The following GALNT13 variants were observed in gnomAD, a reference collection of about 807,000 sequenced individuals.
The protein encoded by GALNT13 is polypeptide N-acetylgalactosaminyltransferase 13.
GALNT13 carries 28 observed loss-of-function variants against 64.2 expected under a neutral mutation model. The observed-to-expected ratio is 0.44, with a 90% confidence interval of 0.32 to 0.60. The LOEUF is 0.60. Among genes scored for constraint, GALNT13 ranks in the 20% least tolerant of loss-of-function variants. The probability of loss-of-function intolerance (pLI) is 0.05; values close to 1 mark genes in which losing one functional copy is unlikely to be tolerated. For missense variants in GALNT13, 577 were observed against 669.8 expected (o/e 0.86, Z 1.53); for synonymous variants, 214 against 224.6 (o/e 0.95, Z 0.42).
At chr2:153,841,182 A>G in the GALNT13 span, among the ~76,000 whole-genome samples, 1 of 152,116 alleles carries the variant, frequency 6.6e-6, no homozygotes, top group Non-Finnish European at 1.5e-5. Context: ...AACTTTAGAT[A>G]TTTAATATTT....
chr2:154,425,140 T>G (rs1700417415), intron 11 of GALNT13, among the ~76,000 whole-genome samples: 1 of 152,214 alleles, frequency 6.6e-6, no homozygotes, highest in African/African-American at 2.4e-5. Context: ...TTTATATATG[T>G]AACAATTTTA....
At chr2:154,167,476 G>A (rs1286232956) in intron 4 of GALNT13, among the ~76,000 whole-genome samples, 1 of 152,158 alleles carries the variant, frequency 6.6e-6, no homozygotes, top group Non-Finnish European at 1.5e-5. Flanking sequence ...AAAAAAGGCA[G>A]CCTCTTCTTT....
chr2:154,272,486 G>C (rs766256511), intron 8 of GALNT13, among the ~76,000 whole-genome samples: 9 of 152,002 alleles, frequency 5.9e-5, no homozygotes, highest in Non-Finnish European at 1.2e-4. Context: ...CATATGAACA[G>C]ATATTCCACG....
At chr2:153,789,599 G>T in the GALNT13 span, among the ~76,000 whole-genome samples, 2 of 152,136 alleles carry the variant, frequency 1.3e-5, no homozygotes, top group South Asian at 4.2e-4. Context: ...AATCAGAGTT[G>T]AACTGAAGAT....
At chr2:153,159,042 A>C in the GALNT13 span, 1 of 177,786 alleles carries the variant, frequency 5.6e-6, no homozygotes, top group Non-Finnish European at 1.3e-5. Flanking sequence ...GAGCTTTCAC[A>C]CAGGGCAGCC....
the GALNT13 span, among the ~76,000 whole-genome samples, chr2:153,737,550 C>G: frequency 6.6e-6 from 1 of 151,922 alleles, no homozygotes; most frequent in Non-Finnish European, 1.5e-5. Flanking sequence ...TTTTCTTCTT[C>G]CTTACTTATG....
the GALNT13 span, among the ~76,000 whole-genome samples, chr2:153,219,906 A>C: frequency 6.6e-6 from 1 of 152,188 alleles, no homozygotes; most frequent in Admixed American, 6.5e-5. Flanking sequence ...ATTTAGTGCA[A>C]TTGTTAAGGT....
the GALNT13 span, among the ~76,000 whole-genome samples, chr2:153,402,417 C>G: frequency 6.7e-4 from 102 of 151,364 alleles, no homozygotes; most frequent in African/African-American, 2.2e-3. Context: ...TGGAGTTGCT[C>G]TTCTCAAGGA....
chr2:153,237,744 T>C, the GALNT13 span, among the ~76,000 whole-genome samples: 4 of 152,092 alleles, frequency 2.6e-5, no homozygotes, highest in African/African-American at 9.7e-5. Context: ...AATAGCCACA[T>C]AGGTTGATTC....
chr2:153,988,876 A>T (rs1694983459), intron 3 of GALNT13, among the ~76,000 whole-genome samples: 1 of 151,950 alleles, frequency 6.6e-6, no homozygotes, highest in East Asian at 1.9e-4. Flanking sequence ...AGCCAAGTAA[A>T]CAGTAAATGC....
the GALNT13 span, among the ~76,000 whole-genome samples, chr2:153,626,013 A>G: frequency 1.3e-5 from 2 of 152,116 alleles, no homozygotes; most frequent in Admixed American, 6.6e-5. Flanking sequence ...TTTCCATTTT[A>G]CAAATCATGA....
At chr2:154,227,456 A>G (rs529139660) in intron 4 of GALNT13, among the ~76,000 whole-genome samples, 6 of 147,792 alleles carry the variant, frequency 4.1e-5, no homozygotes, top group African/African-American at 7.4e-5. Context: ...CATTAGGTAT[A>G]TCTCCTAATG....
At chr2:153,686,299 GT>G in the GALNT13 span, among the ~76,000 whole-genome samples, 2 of 151,944 alleles carry the variant, frequency 1.3e-5, no homozygotes, top group African/African-American at 4.8e-5. Context: ...TTTTCCATTT[GT>G]TTGTGTCATC....
the GALNT13 span, among the ~76,000 whole-genome samples, chr2:153,460,765 C>T: frequency 6.6e-6 from 1 of 152,208 alleles, no homozygotes; most frequent in South Asian, 2.1e-4. Flanking sequence ...ATGCATTAAT[C>T]AGAGTGGACA....
chr2:154,385,684 T>C (rs1359240324), intron 9 of GALNT13, among the ~76,000 whole-genome samples: 2 of 152,036 alleles, frequency 1.3e-5, no homozygotes, highest in African/African-American at 4.8e-5. Context: ...ATGAAGTCCC[T>C]TAAGTAATAG....
the GALNT13 span, among the ~76,000 whole-genome samples, chr2:153,797,422 A>G: frequency 6.6e-6 from 1 of 152,186 alleles, no homozygotes; most frequent in Non-Finnish European, 1.5e-5. Context: ...TATTCTCCAC[A>G]CTGACAAAAT....
chr2:153,864,238 G>T, the GALNT13 span, among the ~76,000 whole-genome samples: 1 of 152,096 alleles, frequency 6.6e-6, no homozygotes, highest in Non-Finnish European at 1.5e-5. Flanking sequence ...ATCATTGTGG[G>T]CTGAAAATTA....
intron 1 of GALNT13, among the ~76,000 whole-genome samples, chr2:153,884,856 TACACACACAC>T (rs144324984): frequency 7.1e-4 from 86 of 120,522 alleles, no homozygotes; most frequent in African/African-American, 2.5e-3. Flanking sequence ...TATATGTATA[TACACACACAC>T]ACACACACAC....
intron 3 of GALNT13, among the ~76,000 whole-genome samples, chr2:153,981,919 T>C (rs1158047822): frequency 6.6e-6 from 1 of 152,048 alleles, no homozygotes; most frequent in Admixed American, 6.6e-5. Flanking sequence ...ATTAATTTAC[T>C]ATATATATTA....
Sources: allele counts gnomAD v4.1 joint callset (sites outside exome capture counted in the v4.1 genomes callset), GRCh38; gene constraint gnomAD v4.1.1; transcripts MANE v1.5; gene names NCBI Gene and HGNC (gene_info 2026-07-23, HGNC 2026-07-21).